Variants in CNTNAP5 observed in about 807,000 individuals in gnomAD.
The protein encoded by CNTNAP5 is contactin associated protein family member 5, also known as contactin-associated protein-like 5.
CNTNAP5 carries 72 observed loss-of-function variants against 150.2 expected under a neutral mutation model. The observed-to-expected ratio is 0.48, with a 90% confidence interval of 0.40 to 0.58. The LOEUF (loss-of-function observed/expected upper bound fraction) is 0.58, where lower values mean the gene tolerates loss of function less well. Among genes scored for constraint, CNTNAP5 ranks in the 20% least tolerant of loss-of-function variants. The probability of loss-of-function intolerance (pLI) is 0.00; values close to 1 mark genes in which losing one functional copy is unlikely to be tolerated. For missense variants in CNTNAP5, 1,636 were observed against 1,626.2 expected, an observed-to-expected ratio of 1.01 and a Z score of -0.10; for synonymous variants, 672 against 619.8, an observed-to-expected ratio of 1.08 and a Z score of -1.25.
chr2:124,511,853 G>T (rs374876654), intron 8 of CNTNAP5, among the ~76,000 whole-genome samples: 7 of 151,810 alleles, frequency 4.6e-5, no homozygotes, highest in African/African-American at 1.4e-4. Context: ...TTGCTTGCAT[G>T]GTCTTAAAAA....
Position 124,418,703 on chromosome 2 carries a change from C to T in CNTNAP5, c.529+1113C>T, listed in dbSNP as rs1229105539. 3.3e-5 allele frequency among the ~76,000 whole-genome samples: 5 copies of T among 152,190 alleles called. No homozygotes were observed. In the East Asian group the frequency reaches 9.6e-4, roughly 29 times the overall value. On this transcript the variant is annotated intron_variant, in intron 4 of 23. Coordinates refer to ENST00000682447, the MANE Select transcript of CNTNAP5 (RefSeq NM_001367498.1). Reference sequence around the variant, plus strand: ...AAACCATTAGGCCCAGGAGGAACTGCCTTCCACTCCAAACTTTGTATGATA... The same window carrying T: ...AAACCATTAGGCCCAGGAGGAACTGTCTTCCACTCCAAACTTTGTATGATA...
chr2:124,738,770 A>C (rs997074715), intron 13 of CNTNAP5, among the ~76,000 whole-genome samples: 3 of 151,874 alleles, frequency 2.0e-5, no homozygotes, highest in African/African-American at 7.3e-5. Flanking sequence ...AGAAAGTATC[A>C]AGGTCTGGGA....
chr2:124,248,837 A>T (rs1687094919), intron 3 of CNTNAP5, among the ~76,000 whole-genome samples: 1 of 152,188 alleles, frequency 6.6e-6, no homozygotes, highest in Admixed American at 6.5e-5. Flanking sequence ...GCAGTCCCCT[A>T]CAAACTGGTT....
At chr2:124,211,262 A>T (rs1170636) in intron 1 of CNTNAP5, among the ~76,000 whole-genome samples, 69,592 of 152,060 alleles carry the variant, frequency 0.46, 16,161 homozygotes, top group East Asian at 0.6. Context: ...GAGATGATCC[A>T]CTTAGAAAGC....
At chr2:124,609,666 T>C (rs1677336509) in intron 11 of CNTNAP5, 135 bp from the exon 12 acceptor site, 2 of 903,472 alleles carry the variant, frequency 2.2e-6, no homozygotes, top group Admixed American at 2.7e-5. Context: ...GTGTTAAGGC[T>C]TGGGGAAAAA....
At chr2:124,028,825 G>A (rs1680965681) in intron 1 of CNTNAP5, among the ~76,000 whole-genome samples, 3 of 152,028 alleles carry the variant, frequency 2.0e-5, no homozygotes, top group Admixed American at 1.3e-4. Context: ...TCACAGGCTT[G>A]AGTATAAAAC....
chr2:124,204,649 G>T (rs1558800092), intron 1 of CNTNAP5, among the ~76,000 whole-genome samples: 1 of 152,222 alleles, frequency 6.6e-6, no homozygotes, highest in Non-Finnish European at 1.5e-5. Flanking sequence ...AGGCAAAGGA[G>T]GAGCAAAGGT....
At chr2:124,122,902 GTA>G (rs56245047) in intron 1 of CNTNAP5, among the ~76,000 whole-genome samples, 4 of 150,096 alleles carry the variant, frequency 2.7e-5, no homozygotes, top group African/African-American at 2.4e-5. Context: ...AAAAATATAT[GTA>G]TATATATATA....
At chr2:124,034,405 G>A (rs1397763822) in intron 1 of CNTNAP5, among the ~76,000 whole-genome samples, 3 of 152,242 alleles carry the variant, frequency 2.0e-5, no homozygotes, top group Admixed American at 6.5e-5. Flanking sequence ...CTGGGTAATC[G>A]GATGGGTGAG....
At chr2:124,783,658 T>G (rs937833055) in intron 17 of CNTNAP5, among the ~76,000 whole-genome samples, 2 of 152,232 alleles carry the variant, frequency 1.3e-5, no homozygotes, top group African/African-American at 4.8e-5. Flanking sequence ...TTTTCCAGTT[T>G]CCTGAGGGGG....
chr2:124,477,763 A>G (rs1019474904), intron 7 of CNTNAP5, among the ~76,000 whole-genome samples: 3 of 151,342 alleles, frequency 2.0e-5, no homozygotes, highest in Admixed American at 1.3e-4. Flanking sequence ...TTCATAATAT[A>G]TCAGTTTCCT....
intron 1 of CNTNAP5, among the ~76,000 whole-genome samples, chr2:124,132,044 G>A (rs1448268234): frequency 1.3e-5 from 2 of 152,134 alleles, no homozygotes; most frequent in African/African-American, 4.8e-5. Context: ...CTTTGAATAT[G>A]CTCACACTCT....
intron 1 of CNTNAP5, among the ~76,000 whole-genome samples, chr2:124,086,804 A>G (rs1246159396): frequency 6.6e-6 from 1 of 150,530 alleles, no homozygotes; most frequent in African/African-American, 2.5e-5. Context: ...GGCCATTTAT[A>G]TTTTATTTTA....
Position 124,407,320 on chromosome 2 carries a change from T to C in CNTNAP5, c.382-10123T>C, listed in dbSNP as rs1304361454. Among the ~76,000 whole-genome samples, 5 of 152,362 alleles carry C rather than the reference T, an allele frequency of 3.3e-5. No homozygotes were observed. In the East Asian group the frequency reaches 5.8e-4, roughly 18 times the overall value. On this transcript the variant is annotated intron_variant, in intron 3 of 23. Coordinates refer to ENST00000682447, the MANE Select transcript of CNTNAP5 (RefSeq NM_001367498.1). The stretch of plus-strand genomic sequence containing the variant: ...GCAGCTTTATAGCTAATAAATTATT[T>C]ATTTTGTTCATGGAACTGTTTCTTT...
chr2:124,568,120 G>A (rs938030553), intron 11 of CNTNAP5, among the ~76,000 whole-genome samples: 1 of 152,136 alleles, frequency 6.6e-6, no homozygotes, highest in African/African-American at 2.4e-5. Flanking sequence ...GCAAACCTCT[G>A]TATTACAAAC....
At chr2:124,706,943 G>GAAGAAGAAGAAGAAGA (rs1558743370) in intron 13 of CNTNAP5, among the ~76,000 whole-genome samples, 5 of 75,218 alleles carry the variant, frequency 6.6e-5, no homozygotes, top group Admixed American at 3.7e-4. Context: ...GAAGAAGAAG[G>GAAGAAGAAGAAGAAGA]AGGAGGAGGA....
chr2:124,464,275 C>G (rs1372977738), intron 6 of CNTNAP5, among the ~76,000 whole-genome samples: 1 of 152,056 alleles, frequency 6.6e-6, no homozygotes, highest in African/African-American at 2.4e-5. Context: ...CTATCAAGAA[C>G]AGTGCTTTCT....
At chr2:124,575,985 G>T (rs1696273748) in intron 11 of CNTNAP5, among the ~76,000 whole-genome samples, 1 of 152,232 alleles carries the variant, frequency 6.6e-6, no homozygotes. Flanking sequence ...GAAGAATTGA[G>T]GATCCTGCTT....
At chr2:124,201,873 T>C (rs899281929) in intron 1 of CNTNAP5, among the ~76,000 whole-genome samples, 1 of 152,212 alleles carries the variant, frequency 6.6e-6, no homozygotes, top group Admixed American at 6.5e-5. Context: ...TCCATAGTAA[T>C]GGTTCATCTT....
Sources: allele counts gnomAD v4.1 joint callset (sites outside exome capture counted in the v4.1 genomes callset), GRCh38; gene constraint gnomAD v4.1.1; transcripts MANE v1.5; gene names NCBI Gene and HGNC (gene_info 2026-07-23, HGNC 2026-07-21).